Variants in VWA3B observed in about 807,000 individuals in gnomAD.
The protein encoded by VWA3B is von Willebrand factor A domain-containing protein 3B.
Under a neutral mutation model 158.3 loss-of-function variants are expected in VWA3B, and 138 were observed. The ratio of observed to expected loss-of-function variants is 0.87; its 90% CI spans 0.76 to 1.00. VWA3B has a LOEUF of 1.00. Among genes scored for constraint, VWA3B ranks in the 50% least tolerant of loss-of-function variants. The pLI is 0.00. For missense variants in VWA3B, 1,555 were observed against 1,565.1 expected (o/e 0.99, Z 0.11); for synonymous variants, 596 against 587.3 (o/e 1.01, Z -0.21).
chr2:98,208,172 TA>T (rs1683176644), intron 12 of VWA3B, among the ~76,000 whole-genome samples: 1 of 152,060 alleles, frequency 6.6e-6, no homozygotes, highest in Non-Finnish European at 1.5e-5. Flanking sequence ...AATATTAATA[TA>T]CTTATTTTTG....
At chr2:98,310,464 G>A (rs187713019) in intron 26 of VWA3B, among the ~76,000 whole-genome samples, 7 of 152,110 alleles carry the variant, frequency 4.6e-5, no homozygotes, top group East Asian at 3.9e-4. Context: ...TCTCACATCC[G>A]CTTCTTGTCG....
chr2:98,087,462 G>A (rs1269118210), intron 1 of VWA3B, 99 bp downstream of exon 1: 1 of 152,240 alleles, frequency 6.6e-6, no homozygotes, highest in Non-Finnish European at 1.5e-5. Context: ...CATTTCTGAG[G>A]TGGACTACAC....
At chr2:98,181,346 G>A (rs1680564771) in intron 9 of VWA3B, 134 bp downstream of exon 9, 1 of 955,344 alleles carries the variant, frequency 1.0e-6, no homozygotes, top group Non-Finnish European at 1.6e-6. Flanking sequence ...TGAAGAACAG[G>A]GTTCCTCTGT....
chr2:98,299,029 C>T (rs1690015419), intron 24 of VWA3B, among the ~76,000 whole-genome samples: 2 of 152,216 alleles, frequency 1.3e-5, no homozygotes. Flanking sequence ...GCCTTTGACC[C>T]TTTGCTACCC....
At chr2:98,271,512 T>C (rs923386531) in intron 22 of VWA3B, among the ~76,000 whole-genome samples, 2 of 152,228 alleles carry the variant, frequency 1.3e-5, no homozygotes, top group African/African-American at 2.4e-5. Flanking sequence ...ATAATTATTG[T>C]ATATTCTGCT....
At chr2:98,263,330 A>T (rs1000770490) in intron 21 of VWA3B, among the ~76,000 whole-genome samples, 2 of 151,878 alleles carry the variant, frequency 1.3e-5, no homozygotes, top group African/African-American at 2.4e-5. Context: ...TTGTTGCCTT[A>T]TTCCTAATCT....
At chr2:98,187,923 T>G in intron 9 of VWA3B, 52 bp from the exon 10 acceptor site, 1 of 1,514,372 alleles carries the variant, frequency 6.6e-7, no homozygotes, top group South Asian at 1.4e-5. Context: ...ATCTGGAGGC[T>G]CTTCTCTTTG....
chr2:98,184,952 A>C (rs560115780), intron 9 of VWA3B, among the ~76,000 whole-genome samples: 5 of 152,156 alleles, frequency 3.3e-5, no homozygotes, highest in Admixed American at 3.3e-4. Flanking sequence ...TCTTGCTTTC[A>C]TTGGCTCCAA....
chr2:98,277,063 G>A (rs1688571056), intron 22 of VWA3B, among the ~76,000 whole-genome samples: 1 of 152,170 alleles, frequency 6.6e-6, no homozygotes. Context: ...CCTAAAGTGA[G>A]AGCCGTTATT....
At chr2:98,158,521 T>C (rs796711322) in intron 7 of VWA3B, among the ~76,000 whole-genome samples, 37 of 152,264 alleles carry the variant, frequency 2.4e-4, no homozygotes, top group African/African-American at 7.9e-4. Flanking sequence ...ATCACAGGCT[T>C]CTAGTTCTTT....
chr2:98,295,650 G>GT (rs1689759261), intron 23 of VWA3B, among the ~76,000 whole-genome samples: 1 of 4,930 alleles, frequency 2.0e-4, no homozygotes, highest in South Asian at 1.2e-3. Flanking sequence ...TCTTCAGCTT[G>GT]CCACCCTTCA....
chr2:98,278,569 T>C lies in VWA3B; in HGVS notation c.3045+7686T>C, dbSNP rs528623232. ...ATGGAGAGCTAGAAAGGGGATGGAGTGGGAAGGTGGTCTTCCCCTGGGGTT... is the reference window on the plus strand; with the variant it reads ...ATGGAGAGCTAGAAAGGGGATGGAGCGGGAAGGTGGTCTTCCCCTGGGGTT... On this transcript the variant is annotated intron_variant, in intron 22 of 27. Coordinates refer to ENST00000477737, the MANE Select transcript of VWA3B (RefSeq NM_144992.5). Among the ~76,000 whole-genome samples, 4 of 152,122 alleles carry C rather than the reference T, an allele frequency of 2.6e-5. No individual in the cohort carries two copies. In the East Asian group the frequency reaches 7.7e-4, roughly 29 times the overall value.
chr2:98,272,417 T>TC (rs1688257845), intron 22 of VWA3B, among the ~76,000 whole-genome samples: 1 of 152,168 alleles, frequency 6.6e-6, no homozygotes, highest in Non-Finnish European at 1.5e-5. Flanking sequence ...TGGGCCACCC[T>TC]CCAGGAGCCT....
chr2:98,242,320 C>A, intron 19 of VWA3B: 2 of 456,068 alleles, frequency 4.4e-6, no homozygotes, highest in Non-Finnish European at 8.8e-6. Flanking sequence ...AGAGGTTGCC[C>A]TAGCAACTCT....
At chr2:98,216,344 T>C (rs1683985826) in intron 13 of VWA3B, among the ~76,000 whole-genome samples, 1 of 152,200 alleles carries the variant, frequency 6.6e-6, no homozygotes, top group Non-Finnish European at 1.5e-5. Flanking sequence ...CTGCGGTCAT[T>C]TTGGGAATTC....
intron 2 of VWA3B, among the ~76,000 whole-genome samples, chr2:98,110,480 A>G (rs986005131): frequency 2.0e-5 from 3 of 152,146 alleles, no homozygotes; most frequent in African/African-American, 4.8e-5. Context: ...AGGTCATTCT[A>G]TGACATCTCT....
chr2:98,293,845 G>A (rs548468577), intron 23 of VWA3B, among the ~76,000 whole-genome samples: 9 of 152,058 alleles, frequency 5.9e-5, no homozygotes, highest in South Asian at 2.1e-4. Context: ...CCCAATAATG[G>A]CCTTTATCAC....
intron 19 of VWA3B, among the ~76,000 whole-genome samples, chr2:98,245,819 C>T (rs1341383630): frequency 3.3e-5 from 5 of 152,054 alleles, no homozygotes; most frequent in African/African-American, 1.2e-4. Flanking sequence ...TCCTTTTTTT[C>T]TTCTAAAAGT....
At chr2:98,126,638 G>A (rs1573837140) in intron 5 of VWA3B, among the ~76,000 whole-genome samples, 1 of 152,228 alleles carries the variant, frequency 6.6e-6, no homozygotes. Flanking sequence ...GGAGAAGATG[G>A]TTTCTTCCTT....
Sources: allele counts gnomAD v4.1 joint callset (sites outside exome capture counted in the v4.1 genomes callset), GRCh38; gene constraint gnomAD v4.1.1; transcripts MANE v1.5; gene names NCBI Gene and HGNC (gene_info 2026-07-23, HGNC 2026-07-21).